Variants in BMP8B observed in about 807,000 individuals in gnomAD.
BMP8B encodes bone morphogenetic protein 8b, also known as bone morphogenetic protein 8 (osteogenic protein 2).
Under a neutral mutation model 30.3 loss-of-function variants are expected in BMP8B, and 17 were observed. That is an observed-to-expected ratio of 0.56 (90% confidence interval 0.38 to 0.84). The LOEUF is 0.84. BMP8B is among the 40% of genes least tolerant of loss of function. The pLI is 0.00. For missense variants in BMP8B, 253 were observed against 494.6 expected (o/e 0.51, Z 4.63); for synonymous variants, 131 against 214.7 (o/e 0.61, Z 3.41).
intron 1 of BMP8B, among the ~76,000 whole-genome samples, chr1:39,780,182 T>C (rs1412949345): frequency 1.3e-5 from 2 of 152,132 alleles, no homozygotes; most frequent in African/African-American, 4.8e-5. Flanking sequence ...TGGCACAGTG[T>C]TGGAGGGGAC....
chr1:39,786,294 G>A (rs539017441), intron 1 of BMP8B, among the ~76,000 whole-genome samples: 62 of 152,300 alleles, frequency 4.1e-4, no homozygotes, highest in Non-Finnish European at 6.8e-4. Context: ...TGTCACCTCC[G>A]AACTAGGCCA....
chr1:39,778,954 C>A (rs192786724), intron 1 of BMP8B, among the ~76,000 whole-genome samples: 2 of 152,144 alleles, frequency 1.3e-5, no homozygotes, highest in South Asian at 2.1e-4. Flanking sequence ...CCTGGAAAGG[C>A]CTTCAGGCAA....
chr1:39,783,481 G>C (rs1013125573), intron 1 of BMP8B, among the ~76,000 whole-genome samples: 1 of 152,180 alleles, frequency 6.6e-6, no homozygotes, highest in Non-Finnish European at 1.5e-5. Context: ...TTCAATTATT[G>C]CAAGGACAAA....
intron 4 of BMP8B, chr1:39,763,994 T>G: frequency 3.1e-6 from 2 of 641,198 alleles, no homozygotes; most frequent in Non-Finnish European, 5.3e-6. Context: ...TCCCAATGGC[T>G]AGAGTGACAC....
At chr1:39,768,590 A>G (rs1363016405) in intron 3 of BMP8B, among the ~76,000 whole-genome samples, 2 of 150,026 alleles carry the variant, frequency 1.3e-5, no homozygotes, top group Non-Finnish European at 1.5e-5. Flanking sequence ...GCTGGGTGCA[A>G]TGGCTCAAGC....
chr1:39,764,024 T>C, intron 4 of BMP8B: 1 of 533,076 alleles, frequency 1.9e-6, no homozygotes, highest in South Asian at 2.5e-5. Context: ...TCCTCCCCTG[T>C]CCTTCAGCCT....
Position 39,760,045 on chromosome 1 carries a change from CCT to C in BMP8B, c.*372_*373del. On this transcript the variant is annotated 3_prime_UTR_variant, in exon 7 of 7. Coordinates refer to ENST00000372827, the MANE Select transcript of BMP8B (RefSeq NM_001720.5). The stretch of plus-strand genomic sequence containing the variant: ...GGTGGCCAACAGTGGGCTCCAGGTG[CCT>C]CTCAGGTCATTCCACATCTATCTCA... 3.9e-6 allele frequency: 1 copy of C among 255,396 alleles called. No individual in the cohort carries two copies. The highest frequency in any genetic ancestry group is 7.7e-6 in the Non-Finnish European group (1 of 130,128). The allele number at this position is 255,396 out of a possible 1,614,324, so 15.8% of individuals were successfully genotyped here.
At chr1:39,778,270 C>T (rs2124481989) in intron 1 of BMP8B, among the ~76,000 whole-genome samples, 1 of 152,006 alleles carries the variant, frequency 6.6e-6, no homozygotes, top group Admixed American at 6.5e-5. Context: ...CACCGACATT[C>T]CCGTTGCTGT....
intron 1 of BMP8B, among the ~76,000 whole-genome samples, chr1:39,783,736 C>T (rs1331517957): frequency 1.3e-5 from 2 of 152,036 alleles, no homozygotes; most frequent in African/African-American, 2.4e-5. Flanking sequence ...AATGAGATCC[C>T]GCCTCTACAA....
intron 1 of BMP8B, among the ~76,000 whole-genome samples, chr1:39,775,620 G>A (rs1020003399): frequency 1.3e-4 from 20 of 152,204 alleles, no homozygotes; most frequent in African/African-American, 3.4e-4. Context: ...TCAGGGAGAC[G>A]GGCCCTGCAG....
At chr1:39,783,564 CAACAAAGTTGCAA>C (rs1650792603) in intron 1 of BMP8B, among the ~76,000 whole-genome samples, 1 of 152,120 alleles carries the variant, frequency 6.6e-6, no homozygotes, top group Admixed American at 6.5e-5. Flanking sequence ...AAATGAAAAA[CAACAAAGTTGCAA>C]AACAGTGAGC....
intron 1 of BMP8B, among the ~76,000 whole-genome samples, chr1:39,780,052 C>T (rs1383646726): frequency 1.3e-5 from 2 of 152,174 alleles, no homozygotes. Context: ...GGCTGCTCAC[C>T]TCATGGCCTC....
intron 1 of BMP8B, among the ~76,000 whole-genome samples, chr1:39,778,988 G>C (rs1473114489): frequency 1.3e-5 from 2 of 152,186 alleles, no homozygotes; most frequent in Non-Finnish European, 2.9e-5. Context: ...GGGAAACTGA[G>C]GCCAAGGAGG....
chr1:39,781,485 T>A (rs554616062), intron 1 of BMP8B, among the ~76,000 whole-genome samples: 10 of 152,234 alleles, frequency 6.6e-5, no homozygotes, highest in Non-Finnish European at 1.2e-4. Context: ...AATCATCTAA[T>A]GAGGTAGCTC....
intron 3 of BMP8B, chr1:39,771,452 C>A: frequency 1.7e-6 from 1 of 601,008 alleles, no homozygotes; most frequent in Non-Finnish European, 2.6e-6. Flanking sequence ...CTGGGGGCCC[C>A]CGAGTCAGTC....
At chr1:39,777,597 C>T (rs917522742) in intron 1 of BMP8B, among the ~76,000 whole-genome samples, 1 of 152,250 alleles carries the variant, frequency 6.6e-6, no homozygotes, top group Non-Finnish European at 1.5e-5. Flanking sequence ...TCAACAAGGG[C>T]TCTGGCTATT....
intron 1 of BMP8B, among the ~76,000 whole-genome samples, chr1:39,786,479 T>G (rs946631883): frequency 6.6e-6 from 1 of 151,996 alleles, no homozygotes; most frequent in African/African-American, 2.4e-5. Flanking sequence ...GGAACTTTCC[T>G]AAGGTCACAC....
chr1:39,782,075 G>C (rs1401876762), intron 1 of BMP8B, among the ~76,000 whole-genome samples: 1 of 149,994 alleles, frequency 6.7e-6, no homozygotes, highest in East Asian at 2.0e-4. Context: ...AGAATTGCTT[G>C]AACCCAAGGA....
rs1020003399 is a variant in BMP8B, at chr1:39,775,620, G to T, written c.335-582C>A. ...GAATCTGCCATGGTGTCAGGGAGACGGGCCCTGCAGGGGCCGGCCAGCCAA... is the reference window on the plus strand; with the variant it reads ...GAATCTGCCATGGTGTCAGGGAGACTGGCCCTGCAGGGGCCGGCCAGCCAA... On this transcript the variant is annotated intron_variant, in intron 1 of 6. Transcript: ENST00000372827. 2.0e-5 allele frequency among the ~76,000 whole-genome samples: 3 copies of T among 152,322 alleles called. No individual in the cohort carries two copies. The East Asian group carries it at 5.8e-4, about 29-fold the overall frequency.
Sources: gnomAD v4.1 joint callset for allele counts (sites outside exome capture counted in the v4.1 genomes callset) on GRCh38, gnomAD v4.1.1 for gene constraint, MANE v1.5 for transcripts, NCBI Gene and HGNC (gene_info 2026-07-23, HGNC 2026-07-21) for gene names.